PPP6C: variants seen among roughly 807,000 people sequenced by gnomAD.
The protein encoded by PPP6C is protein phosphatase 6 catalytic subunit, also known as serine/threonine-protein phosphatase 6 catalytic subunit.
A neutral mutation model predicts 39.8 loss-of-function variants in PPP6C; 11 were observed. The observed-to-expected ratio is 0.28, with a 90% CI of 0.17 to 0.46. PPP6C has a LOEUF of 0.46. Ranked by LOEUF, PPP6C falls within the 20% of genes least tolerant of loss-of-function variation. The probability of loss-of-function intolerance (pLI) is 1.00; values close to 1 mark genes in which losing one functional copy is unlikely to be tolerated. For missense variants in PPP6C, 211 were observed against 373.9 expected (o/e 0.56, Z 3.59); for synonymous variants, 129 against 130.3 (o/e 0.99, Z 0.07).
At chr9:125,184,169 C>T (rs1000592305) in intron 1 of PPP6C, among the ~76,000 whole-genome samples, 14 of 152,038 alleles carry the variant, frequency 9.2e-5, no homozygotes, top group Non-Finnish European at 4.4e-5. Context: ...GGGTGGATCA[C>T]GAGGTCAGGA....
Position 125,153,476 on chromosome 9 carries a change from T to C in PPP6C, c.669+57A>G, listed in dbSNP as rs998394307. ...GTTTGTTATCTAGGGCCACCATAGT[T>C]CTCTATGCAGCCCATTAGCAATCCA... is the stretch of plus-strand genomic sequence containing the variant. On this transcript the variant is annotated intron_variant, in intron 6 of 6. Coordinates refer to ENST00000373547, the MANE Select transcript of PPP6C (RefSeq NM_002721.5). 4.6e-6 allele frequency: 7 copies of C among 1,506,920 alleles called. No individual in the cohort carries two copies. In the Admixed American group the frequency reaches 1.3e-4, roughly 28 times the overall value. 93.3% of individuals were successfully genotyped at this position (1,506,920 alleles called of 1,614,324 possible). A position where few individuals can be genotyped will look rare whatever the true frequency, so the allele number is the denominator to read the frequency against.
At chr9:125,168,616 A>T (rs1050328234) in intron 2 of PPP6C, among the ~76,000 whole-genome samples, 2 of 151,546 alleles carry the variant, frequency 1.3e-5, no homozygotes, top group African/African-American at 2.4e-5. Context: ...CTGTCACCAC[A>T]CCTGGCTAAT....
chr9:125,168,715 C>T lies in PPP6C; in HGVS notation c.171+2370G>A, dbSNP rs560921310. Among the ~76,000 whole-genome samples the T allele has an allele frequency of 1.2e-3, 175 of 152,024 alleles. 1 individual carries two copies. The highest frequency in any genetic ancestry group is 4.1e-3 in the African/African-American group (172 of 41,466). On this transcript the variant is annotated intron_variant, in intron 2 of 6. Coordinates refer to ENST00000373547, the MANE Select transcript of PPP6C (RefSeq NM_002721.5). ...CTCGTGATCCACCCACCTCAGCCTCCCAAAGTGCTGGGATTACAGGCATGA... is the reference window on the plus strand; with the variant it reads ...CTCGTGATCCACCCACCTCAGCCTCTCAAAGTGCTGGGATTACAGGCATGA...
chr9:125,178,733 C>T (rs1029285960), intron 1 of PPP6C, among the ~76,000 whole-genome samples: 1 of 152,114 alleles, frequency 6.6e-6, no homozygotes, highest in Non-Finnish European at 1.5e-5. Context: ...GCAAAGCCAC[C>T]CACGTATCAC....
chr9:125,176,178 C>T (rs1297255139), intron 1 of PPP6C, among the ~76,000 whole-genome samples: 1 of 152,062 alleles, frequency 6.6e-6, no homozygotes, highest in African/African-American at 2.4e-5. Flanking sequence ...ATGCTTGTGT[C>T]TAAGAAACAT....
intron 2 of PPP6C, among the ~76,000 whole-genome samples, chr9:125,163,804 G>A (rs538255872): frequency 5.9e-5 from 9 of 151,348 alleles, no homozygotes; most frequent in African/African-American, 1.5e-4. Flanking sequence ...AATATTCTGC[G>A]TCAGTGATAC....
intron 1 of PPP6C, among the ~76,000 whole-genome samples, chr9:125,187,370 C>G (rs1829553059): frequency 6.6e-6 from 1 of 151,624 alleles, no homozygotes; most frequent in Non-Finnish European, 1.5e-5. Flanking sequence ...GCAATTCTCC[C>G]GGGTTCAAGC....
chr9:125,151,913 G>A (rs957808456), intron 6 of PPP6C, among the ~76,000 whole-genome samples: 1 of 152,206 alleles, frequency 6.6e-6, no homozygotes, highest in Non-Finnish European at 1.5e-5. Flanking sequence ...GAGAAGCTCA[G>A]ACTACTCTGC....
intron 1 of PPP6C, among the ~76,000 whole-genome samples, chr9:125,185,898 T>A (rs1358203583): frequency 6.6e-6 from 1 of 151,862 alleles, no homozygotes; most frequent in African/African-American, 2.4e-5. Flanking sequence ...GGCAGGAGAA[T>A]CGCTTGAACC....
intron 1 of PPP6C, among the ~76,000 whole-genome samples, chr9:125,174,836 T>A (rs1440872875): frequency 1.3e-5 from 2 of 152,100 alleles, no homozygotes; most frequent in East Asian, 3.9e-4. Context: ...CGCTTGAGCC[T>A]TGGAGGCAGA....
rs189253618 is a variant in PPP6C, at chr9:125,157,087, G to A, written c.379+1154C>T. Among the ~76,000 whole-genome samples the A allele has an allele frequency of 2.3e-3, 342 of 151,784 alleles. 3 individuals carry two copies. Among genetic ancestry groups the A allele is most frequent in the African/African-American group, 7.7e-3 (319 of 41,370 alleles). On this transcript the variant is annotated intron_variant, in intron 4 of 6. Transcript: ENST00000373547. ...GTTGGTGTGCTGCACCCATTAACTC[G>A]TCATTTACATTAGGTATGTCTCCTA... is the stretch of plus-strand genomic sequence containing the variant.
chr9:125,173,909 C>T (rs185003759), intron 1 of PPP6C, among the ~76,000 whole-genome samples: 1 of 152,178 alleles, frequency 6.6e-6, no homozygotes, highest in Non-Finnish European at 1.5e-5. Flanking sequence ...AGCCACCGCA[C>T]CCAGCCAAGC....
rs368446697 is a variant in PPP6C, at chr9:125,189,738, G to A, written c.-20C>T. The A allele has an allele frequency of 1.0e-5, 16 of 1,563,312 alleles. No individual in the cohort carries two copies. The highest frequency in any genetic ancestry group is 1.1e-5 in the Non-Finnish European group (13 of 1,159,332). On this transcript the variant is annotated 5_prime_UTR_variant, in exon 1 of 7. Coordinates refer to ENST00000373547, the MANE Select transcript of PPP6C (RefSeq NM_002721.5). ...CGCCATTTTAAGAATAACAAGCCGCGGCAACAGCGGCGGCGGCGGCTGTAG... is the reference window on the plus strand; with the variant it reads ...CGCCATTTTAAGAATAACAAGCCGCAGCAACAGCGGCGGCGGCGGCTGTAG...
intron 3 of PPP6C, among the ~76,000 whole-genome samples, chr9:125,160,538 GCA>G (rs1828843944): frequency 1.3e-5 from 2 of 152,118 alleles, no homozygotes; most frequent in African/African-American, 4.8e-5. Context: ...AGAGATCCCT[GCA>G]CAGTCTCTCT....
intron 2 of PPP6C, among the ~76,000 whole-genome samples, chr9:125,164,839 C>T (rs546059080): frequency 6.6e-6 from 1 of 151,928 alleles, no homozygotes; most frequent in Non-Finnish European, 1.5e-5. Flanking sequence ...CCCAGGTTCA[C>T]GTCATTCTCC....
chr9:125,154,218 T>C (rs1356395695), intron 4 of PPP6C, among the ~76,000 whole-genome samples: 3 of 152,210 alleles, frequency 2.0e-5, no homozygotes, highest in Non-Finnish European at 4.4e-5. Context: ...AAAAAATGCA[T>C]TGTTAGGTGA....
intron 1 of PPP6C, among the ~76,000 whole-genome samples, chr9:125,184,041 C>T (rs359576): frequency 0.49 from 74,030 of 151,834 alleles, 18,594 homozygotes; most frequent in East Asian, 0.65. Context: ...GGAGAATCAC[C>T]TGAAGCATTT....
chr9:125,178,644 C>T (rs555968663), intron 1 of PPP6C, among the ~76,000 whole-genome samples: 1 of 152,232 alleles, frequency 6.6e-6, no homozygotes, highest in African/African-American at 2.4e-5. Flanking sequence ...AAGTAATATT[C>T]AGCTCCTACA....
chr9:125,182,681 C>T (rs538409738), intron 1 of PPP6C, among the ~76,000 whole-genome samples: 1 of 150,856 alleles, frequency 6.6e-6, no homozygotes, highest in African/African-American at 2.4e-5. Flanking sequence ...CATGGCACTA[C>T]TAATTATTCA....
Sources: allele counts gnomAD v4.1 joint callset (sites outside exome capture counted in the v4.1 genomes callset), GRCh38; gene constraint gnomAD v4.1.1; transcripts MANE v1.5; gene names NCBI Gene and HGNC (gene_info 2026-07-23, HGNC 2026-07-21).